BMP5: variants seen among roughly 807,000 people sequenced by gnomAD.
BMP5 encodes the protein bone morphogenetic protein 5.
BMP5 carries 23 observed loss-of-function variants against 46.6 expected under a neutral mutation model. That is an observed-to-expected ratio of 0.49 (90% CI 0.35 to 0.70). The LOEUF (loss-of-function observed/expected upper bound fraction) is 0.70. BMP5 is among the 30% of genes least tolerant of loss of function. BMP5 has a pLI of 0.00. For synonymous variants in BMP5, 204 were observed against 191.9 expected, an observed-to-expected ratio of 1.06 and a Z score of -0.52; for missense variants, 545 against 565.6, an observed-to-expected ratio of 0.96 and a Z score of 0.37.
intron 1 of BMP5, among the ~76,000 whole-genome samples, chr6:55,857,929 G>C (rs796544769): frequency 2.8e-4 from 42 of 152,118 alleles, no homozygotes; most frequent in African/African-American, 8.4e-4. Context: ...GTAGAGACAG[G>C]GTTTCACCAT....
intron 1 of BMP5, among the ~76,000 whole-genome samples, chr6:55,826,714 G>A (rs1776540849): frequency 6.6e-6 from 1 of 151,240 alleles, no homozygotes; most frequent in South Asian, 2.1e-4. Context: ...AACAATTGTA[G>A]CAATAAATTA....
At chr6:55,839,894 GTTATTTATC>G (rs1776909431) in intron 1 of BMP5, among the ~76,000 whole-genome samples, 1 of 151,828 alleles carries the variant, frequency 6.6e-6, no homozygotes, top group African/African-American at 2.4e-5. Context: ...ATACTATTAG[GTTATTTATC>G]TTATAATTAC....
At chr6:55,775,270 C>T (rs1447403405) in intron 3 of BMP5, among the ~76,000 whole-genome samples, 1 of 151,904 alleles carries the variant, frequency 6.6e-6, no homozygotes, top group African/African-American at 2.4e-5. Flanking sequence ...CTGTGCTAGG[C>T]ATCTTTCTAA....
At chr6:55,821,799 T>C (rs1776415875) in intron 1 of BMP5, among the ~76,000 whole-genome samples, 1 of 151,974 alleles carries the variant, frequency 6.6e-6, no homozygotes, top group Non-Finnish European at 1.5e-5. Context: ...TGTGTGAGAG[T>C]GGAAGTCTAG....
chr6:55,816,265 T>A (rs953398280), intron 2 of BMP5, among the ~76,000 whole-genome samples: 1 of 152,086 alleles, frequency 6.6e-6, no homozygotes, highest in Non-Finnish European at 1.5e-5. Flanking sequence ...AGGAAAATGG[T>A]AGTGCTGAGG....
intron 1 of BMP5, among the ~76,000 whole-genome samples, chr6:55,859,692 A>G (rs912268002): frequency 1.3e-5 from 2 of 152,210 alleles, no homozygotes; most frequent in East Asian, 3.8e-4. Context: ...TTAATTTGAC[A>G]TAAAAGTGAC....
intron 1 of BMP5, among the ~76,000 whole-genome samples, chr6:55,853,364 G>C (rs9396161): frequency 0.13 from 14,916 of 114,692 alleles, 1,081 homozygotes; most frequent in East Asian, 0.32. Flanking sequence ...CTCTCTCTCT[G>C]ACTCTCTTTC....
At chr6:55,810,322 G>T (rs1010422562) in intron 2 of BMP5, among the ~76,000 whole-genome samples, 4 of 152,100 alleles carry the variant, frequency 2.6e-5, no homozygotes, top group African/African-American at 9.7e-5. Context: ...AGATGCAATT[G>T]AATGAAAAGC....
intron 1 of BMP5, among the ~76,000 whole-genome samples, chr6:55,860,235 C>T (rs1162611724): frequency 2.0e-5 from 3 of 152,182 alleles, no homozygotes; most frequent in Non-Finnish European, 4.4e-5. Flanking sequence ...GATCACACCA[C>T]TGACCTCCAG....
intron 1 of BMP5, among the ~76,000 whole-genome samples, chr6:55,823,396 C>A (rs1384382279): frequency 6.6e-6 from 1 of 151,970 alleles, no homozygotes; most frequent in Non-Finnish European, 1.5e-5. Context: ...GGGTCAAAAT[C>A]TAGTCATCTC....
At chr6:55,772,915 A>G (rs767990202) in intron 4 of BMP5, 25 of 984,998 alleles carry the variant, frequency 2.5e-5, no homozygotes, top group Non-Finnish European at 2.9e-5. Context: ...AGCGTCTCTG[A>G]GCAAATAAAA....
intron 1 of BMP5, among the ~76,000 whole-genome samples, chr6:55,851,583 C>T (rs1316458655): frequency 6.6e-6 from 1 of 152,044 alleles, no homozygotes; most frequent in Non-Finnish European, 1.5e-5. Flanking sequence ...CACTGAACTG[C>T]AAAGGAATCT....
chr6:55,792,400 G>A (rs1330728609), intron 3 of BMP5, among the ~76,000 whole-genome samples: 1 of 152,136 alleles, frequency 6.6e-6, no homozygotes, highest in African/African-American at 2.4e-5. Context: ...CGGGCATGGT[G>A]GCAGGCGCCT....
At chr6:55,767,419 C>T (rs920775005) in intron 4 of BMP5, among the ~76,000 whole-genome samples, 1 of 152,002 alleles carries the variant, frequency 6.6e-6, no homozygotes, top group Admixed American at 6.6e-5. Context: ...ATCCTCAGAA[C>T]TCTTGTAATC....
intron 4 of BMP5, among the ~76,000 whole-genome samples, chr6:55,770,356 A>G (rs1163257783): frequency 1.3e-5 from 2 of 151,866 alleles, no homozygotes; most frequent in East Asian, 3.9e-4. Flanking sequence ...AACGTCATGA[A>G]CCAATATCTG....
intron 4 of BMP5, among the ~76,000 whole-genome samples, chr6:55,770,216 C>T (rs939182740): frequency 2.0e-5 from 3 of 151,956 alleles, no homozygotes; most frequent in African/African-American, 7.2e-5. Context: ...CATTAAAAAT[C>T]TGTGGTTCAG....
intron 3 of BMP5, among the ~76,000 whole-genome samples, chr6:55,789,325 T>C (rs1775521693): frequency 1.3e-5 from 2 of 151,990 alleles, no homozygotes; most frequent in Admixed American, 6.6e-5. Context: ...CAAAATGCTA[T>C]CTTTGTTTTT....
intron 1 of BMP5, among the ~76,000 whole-genome samples, chr6:55,857,562 A>G (rs1023726412): frequency 1.3e-5 from 2 of 152,214 alleles, no homozygotes; most frequent in Non-Finnish European, 1.5e-5. Flanking sequence ...AAAAAGTTCC[A>G]AAACATCTTG....
At chr6:55,792,576 C>T (rs1332528411) in intron 3 of BMP5, among the ~76,000 whole-genome samples, 2 of 150,974 alleles carry the variant, frequency 1.3e-5, no homozygotes, top group Non-Finnish European at 3.0e-5. Context: ...ACATAAAACA[C>T]GCACTAGACT....
Sources: gnomAD v4.1 joint callset for allele counts (sites outside exome capture counted in the v4.1 genomes callset) on GRCh38, gnomAD v4.1.1 for gene constraint, MANE v1.5 for transcripts, NCBI Gene and HGNC (gene_info 2026-07-23, HGNC 2026-07-21) for gene names.